Variants in EXD3 observed in about 807,000 individuals in gnomAD.
EXD3 encodes the protein exonuclease mut-7 homolog.
A neutral mutation model predicts 98.0 loss-of-function variants in EXD3; 92 were observed. That is an observed-to-expected ratio of 0.94 (90% CI 0.79 to 1.12). The LOEUF (loss-of-function observed/expected upper bound fraction) is 1.12, where lower values mean the gene tolerates loss of function less well. Ranked by LOEUF, EXD3 falls within the 50% of genes most tolerant of loss-of-function variation. The probability of loss-of-function intolerance (pLI) is 0.00; values close to 1 mark genes in which losing one functional copy is unlikely to be tolerated. For synonymous variants in EXD3, 569 were observed against 526.0 expected (o/e 1.08, Z -1.12); for missense variants, 1,222 against 1,191.6 (o/e 1.03, Z -0.38).
At position 137,407,212 on chromosome 9, in the gene EXD3, G is replaced by T. The variant is rs937701183; in HGVS notation, c.-47-11808C>A. On this transcript the variant is annotated intron_variant, in intron 1 of 21. Coordinates refer to ENST00000340951, the MANE Select transcript of EXD3 (RefSeq NM_017820.5). This position sits in a 1 kb window ranked among gnomAD's most constrained non-coding sequence, Gnocchi z 4.4. The stretch of plus-strand genomic sequence containing the variant: ...CGCCTCCTCCGTCTCAGCCGCGTCG[G>T]TCCCAGGCGCCTCCCCTACCCGCAC... Among the ~76,000 whole-genome samples the T allele has an allele frequency of 6.7e-6, 1 of 148,438 alleles. No individual in the cohort carries two copies. The highest frequency in any genetic ancestry group is 2.6e-5 in the African/African-American group (1 of 37,958).
At position 137,389,532 on chromosome 9, in the gene EXD3, G is replaced by C. The variant is rs117782208; in HGVS notation, c.55+5771C>G. On this transcript the variant is annotated intron_variant, in intron 2 of 21. Transcript: ENST00000340951. ...GGATGAGGGGGAGAGCCCACCGTTC[G>C]ATGCTGTGGACCCCACAAGGAGGCA... Among the ~76,000 whole-genome samples the C allele has an allele frequency of 6.1e-4, 93 of 152,320 alleles. 2 individuals carry two copies. The East Asian group carries it at 0.017, about 28-fold the overall frequency.
At chr9:137,401,607 C>G (rs746498606) in intron 1 of EXD3, among the ~76,000 whole-genome samples, 1 of 152,232 alleles carries the variant, frequency 6.6e-6, no homozygotes, top group Non-Finnish European at 1.5e-5. Context: ...TTCTGTGGAC[C>G]CACAAGCTCA....
At chr9:137,380,365 C>T (rs1287347671) in intron 3 of EXD3, among the ~76,000 whole-genome samples, 1 of 97,414 alleles carries the variant, frequency 1.0e-5, no homozygotes, top group Non-Finnish European at 2.1e-5. Context: ...GTCCGGGCAT[C>T]CCCCTCAATC....
rs920216570 is a variant in EXD3, at chr9:137,385,770, T to G, written c.56-2393A>C. On this transcript the variant is annotated intron_variant, in intron 2 of 21. Coordinates refer to ENST00000340951, the MANE Select transcript of EXD3 (RefSeq NM_017820.5). This position sits in a 1 kb window ranked among gnomAD's most constrained non-coding sequence, Gnocchi z 4.4. ...GCTGGTCTTGAACTCCTGAGCTCAA[T>G]TGGTCCGTCCACCTCGGCCTCCCAA... Among the ~76,000 whole-genome samples the G allele has an allele frequency of 2.0e-5, 3 of 151,932 alleles. No homozygotes were observed. The highest frequency in any genetic ancestry group is 7.2e-5 in the African/African-American group (3 of 41,424).
At chr9:137,391,206 A>G (rs2131747809) in intron 2 of EXD3, among the ~76,000 whole-genome samples, 1 of 152,322 alleles carries the variant, frequency 6.6e-6, no homozygotes, top group African/African-American at 2.4e-5. Context: ...AGGAACCCGC[A>G]CGTTCACGGT....
intron 2 of EXD3, among the ~76,000 whole-genome samples, chr9:137,390,856 C>T (rs756279428): frequency 1.1e-4 from 17 of 152,342 alleles, no homozygotes; most frequent in Middle Eastern, 3.4e-3. Context: ...GAGAAAGGCC[C>T]GGGAGCCTCC....
chr9:137,328,689 G>A (rs1832672738), intron 17 of EXD3, among the ~76,000 whole-genome samples: 2 of 79,166 alleles, frequency 2.5e-5, no homozygotes, highest in Admixed American at 2.4e-4. Context: ...GGGCTACACG[G>A]GACTACACAG....
intron 8 of EXD3, among the ~76,000 whole-genome samples, chr9:137,356,050 C>T (rs11507677): frequency 0.079 from 12,104 of 152,272 alleles, 564 homozygotes; most frequent in African/African-American, 0.13. Context: ...GGCAGAGGAG[C>T]TCATAGACCC....
intron 17 of EXD3, among the ~76,000 whole-genome samples, chr9:137,327,225 C>G (rs947961685): frequency 2.0e-5 from 3 of 151,882 alleles, no homozygotes. Flanking sequence ...GTTCTGCCTC[C>G]CGGGTTCACG....
At position 137,371,426 on chromosome 9, in the gene EXD3, G is replaced by T. The variant is rs899156987; in HGVS notation, c.462+1479C>A. On this transcript the variant is annotated intron_variant, in intron 5 of 21. Coordinates refer to ENST00000340951, the MANE Select transcript of EXD3 (RefSeq NM_017820.5). This position sits in a 1 kb window ranked among gnomAD's most constrained non-coding sequence, Gnocchi z 8.0. ...GGACACTCCTGTGAGGGCCCGGCCA[G>T]GGCAGCCCCCGATGCCCGTGCCCAG... 6.4e-4 allele frequency among the ~76,000 whole-genome samples: 97 copies of T among 152,050 alleles called. 1 individual carries two copies. The highest frequency in any genetic ancestry group is 4.1e-3 in the East Asian group (21 of 5,162).
At chr9:137,375,693 C>A (rs931083059) in intron 3 of EXD3, among the ~76,000 whole-genome samples, 3 of 151,244 alleles carry the variant, frequency 2.0e-5, no homozygotes, top group East Asian at 1.9e-4. Context: ...TTCTAGCTTT[C>A]GTGAGTTCTA....
chr9:137,409,026 G>C (rs28589608), intron 1 of EXD3, among the ~76,000 whole-genome samples: 3,177 of 152,334 alleles, frequency 0.021, 106 homozygotes, highest in African/African-American at 0.072. Context: ...AATTTAAAGT[G>C]TGTCCCTCTG....
At chr9:137,320,917 CACAG>C (rs570961208) in intron 19 of EXD3, among the ~76,000 whole-genome samples, 173 of 152,366 alleles carry the variant, frequency 1.1e-3, no homozygotes, top group African/African-American at 3.9e-3. Flanking sequence ...CTGGCCTGAG[CACAG>C]ACAAAGAGAG....
chr9:137,352,024 G>GA, intron 12 of EXD3, 42 bp downstream of exon 12: 1 of 1,572,134 alleles, frequency 6.4e-7, no homozygotes, highest in Non-Finnish European at 8.6e-7. Flanking sequence ...CTGGCAGGGG[G>GA]ATCCCACCAC....
At chr9:137,330,016 C>T (rs1405733139) in intron 17 of EXD3, among the ~76,000 whole-genome samples, 1 of 140,966 alleles carries the variant, frequency 7.1e-6, no homozygotes, top group African/African-American at 2.8e-5. Flanking sequence ...CACAGGACTA[C>T]ACAGGACTAC....
At chr9:137,402,863 C>T (rs1289886708) in intron 1 of EXD3, among the ~76,000 whole-genome samples, 2 of 152,134 alleles carry the variant, frequency 1.3e-5, no homozygotes, top group Non-Finnish European at 2.9e-5. Flanking sequence ...AGGCGAAAGG[C>T]ACTTCTTACA....
At chr9:137,419,790 A>G (rs1838414381) in intron 1 of EXD3, among the ~76,000 whole-genome samples, 1 of 152,168 alleles carries the variant, frequency 6.6e-6, no homozygotes, top group Admixed American at 6.6e-5. Flanking sequence ...AGATCACACC[A>G]GTAGACCAGA....
In EXD3 at chr9:137,324,017, G is replaced by A; in HGVS notation, c.2052+73C>T. The stretch of plus-strand genomic sequence containing the variant: ...CCCCACGGCAAGCTGACCCTGAGGT[G>A]GGGGTGGCCGAGGGGCTGGGGGCTT... On this transcript the variant is annotated intron_variant, in intron 18 of 21. Coordinates refer to ENST00000340951, the MANE Select transcript of EXD3 (RefSeq NM_017820.5). The surrounding 1 kb of genome is among the most constrained non-coding windows in gnomAD (Gnocchi z 4.1). 2.0e-6 allele frequency: 3 copies of A among 1,536,776 alleles called. No individual in the cohort carries two copies. The highest frequency in any genetic ancestry group is 2.0e-5 in the Admixed American group (1 of 50,942).
intron 10 of EXD3, 118 bp from the exon 11 acceptor site, chr9:137,352,904 A>G: frequency 2.1e-6 from 3 of 1,445,352 alleles, no homozygotes; most frequent in African/African-American, 1.4e-5. Flanking sequence ...CTCGGGGAGG[A>G]GGGGCAGCCG....
Sources: gnomAD v4.1 joint callset for allele counts (sites outside exome capture counted in the v4.1 genomes callset) on GRCh38, gnomAD v4.1.1 for gene constraint, Gnocchi (gnomAD v3.1) non-coding constraint, MANE v1.5 for transcripts, NCBI Gene and HGNC (gene_info 2026-07-23, HGNC 2026-07-21) for gene names.